The following SYT12 variants were observed in gnomAD, a reference collection of about 807,000 sequenced individuals.
SYT12 encodes the protein synaptotagmin-12.
A neutral mutation model predicts 39.5 loss-of-function variants in SYT12; 27 were observed. That is an observed-to-expected ratio of 0.68 (90% CI 0.50 to 0.94). The LOEUF (loss-of-function observed/expected upper bound fraction) is 0.94, where lower values mean the gene tolerates loss of function less well. Ranked by LOEUF, SYT12 falls within the 40% of genes least tolerant of loss-of-function variation. The pLI is 0.00. For missense variants in SYT12, 536 were observed against 572.6 expected (o/e 0.94, Z 0.65); for synonymous variants, 233 against 239.7 (o/e 0.97, Z 0.26).
At chr11:67,010,116 G>C (rs552876367) in exon 2 of SYT12, 1 of 152,484 alleles carries the variant, frequency 6.6e-6, no homozygotes, top group South Asian at 2.1e-4. Context: ...AGAAGCTGAA[G>C]TGACAGGTGA....
intron 7 of SYT12, among the ~76,000 whole-genome samples, chr11:67,047,289 G>A (rs1178959996): frequency 7.8e-6 from 1 of 128,970 alleles, no homozygotes; most frequent in Non-Finnish European, 1.6e-5. Flanking sequence ...TTTTTTTTGA[G>A]ACAGAGTCTT....
chr11:67,034,163 C>CT (rs1950318198), intron 2 of SYT12, among the ~76,000 whole-genome samples: 1 of 152,154 alleles, frequency 6.6e-6, no homozygotes, highest in South Asian at 2.1e-4. Flanking sequence ...AGAATATTTT[C>CT]ATCATCCCCC....
chr11:67,018,802 G>A (rs764584009), upstream of SYT12, among the ~76,000 whole-genome samples: 3 of 151,376 alleles, frequency 2.0e-5, no homozygotes, highest in Non-Finnish European at 4.4e-5. Flanking sequence ...CAGCCTGGGC[G>A]ACAGAGCGAG....
chr11:67,024,809 C>T (rs1182100982), intron 1 of SYT12, among the ~76,000 whole-genome samples: 1 of 152,198 alleles, frequency 6.6e-6, no homozygotes, highest in East Asian at 1.9e-4. Flanking sequence ...GGATGAGGCT[C>T]TCCTGGGCCC....
chr11:67,035,860 T>TCTCTCTCTCTCTCTC (rs1950366813), intron 3 of SYT12, among the ~76,000 whole-genome samples: 1 of 135,932 alleles, frequency 7.4e-6, no homozygotes, highest in African/African-American at 3.2e-5. Context: ...CTTTCTTTCT[T>TCTCTCTCTCTCTCTC]TCTTTCTTTC....
At chr11:67,009,180 AT>A (rs557580304) in intron 1 of SYT12, among the ~76,000 whole-genome samples, 3 of 151,920 alleles carry the variant, frequency 2.0e-5, no homozygotes, top group East Asian at 3.9e-4. Context: ...TAATTTTTGT[AT>A]TTTTTGTAAA....
chr11:67,044,326 C>A (rs1019521251), intron 5 of SYT12, among the ~76,000 whole-genome samples: 1 of 152,202 alleles, frequency 6.6e-6, no homozygotes, highest in Non-Finnish European at 1.5e-5. Context: ...CTACATTTGA[C>A]AGGCCGCCTC....
chr11:67,046,565 A>G (rs906625001), intron 7 of SYT12, among the ~76,000 whole-genome samples: 7 of 152,192 alleles, frequency 4.6e-5, no homozygotes, highest in African/African-American at 1.4e-4. Flanking sequence ...CCAGCATGTA[A>G]AGGCCCAGAA....
intron 3 of SYT12, among the ~76,000 whole-genome samples, chr11:67,035,548 C>T (rs1466537963): frequency 1.3e-5 from 2 of 149,304 alleles, no homozygotes; most frequent in East Asian, 2.0e-4. Flanking sequence ...AGCTCCGCCT[C>T]CCGGGTTCAC....
At chr11:67,047,488 G>A (rs1790282888) in intron 7 of SYT12, among the ~76,000 whole-genome samples, 2 of 149,400 alleles carry the variant, frequency 1.3e-5, no homozygotes, top group South Asian at 2.2e-4. Context: ...GGCTGGTCTC[G>A]AACTCCCAGC....
chr11:67,027,877 G>A (rs1381526097), intron 1 of SYT12: 2 of 152,278 alleles, frequency 1.3e-5, no homozygotes, highest in African/African-American at 4.8e-5. Flanking sequence ...TTCCCGGCAA[G>A]GCAGAAGCAG....
chr11:67,033,871 G>A lies in SYT12; in HGVS notation c.35-774G>A, dbSNP rs143500274. Reference sequence around the variant, plus strand: ...CCAAGCGCGGTGCTGGGGAGGACTCGCCTGCCACAGTTGAGGAGGTTGTTA... The same window carrying A: ...CCAAGCGCGGTGCTGGGGAGGACTCACCTGCCACAGTTGAGGAGGTTGTTA... On this transcript the variant is annotated intron_variant, in intron 2 of 7. Transcript: ENST00000527043. Among the ~76,000 whole-genome samples, 21 of 152,226 alleles carry A rather than the reference G, an allele frequency of 1.4e-4. 1 individual carries two copies. In the East Asian group the frequency reaches 1.9e-3, roughly 14 times the overall value.
upstream of SYT12, among the ~76,000 whole-genome samples, chr11:67,018,822 CA>C (rs528815983): frequency 3.8e-4 from 52 of 137,654 alleles, no homozygotes; most frequent in Admixed American, 3.0e-4. Flanking sequence ...GACTCCGTCT[CA>C]AAAAAAAAAA....
At chr11:67,040,299 G>A in intron 4 of SYT12, 96 bp downstream of exon 4, 1 of 1,476,232 alleles carries the variant, frequency 6.8e-7, no homozygotes, top group Non-Finnish European at 9.1e-7. Context: ...ATCCCAGAAA[G>A]GCAGTAGAGT....
At chr11:67,024,346 C>A (rs1226191459) in intron 1 of SYT12, among the ~76,000 whole-genome samples, 1 of 152,198 alleles carries the variant, frequency 6.6e-6, no homozygotes, top group African/African-American at 2.4e-5. Context: ...ACCGAAGTTA[C>A]CACAGCCAGT....
chr11:67,008,146 G>A (rs993731641), intron 1 of SYT12, among the ~76,000 whole-genome samples: 2 of 151,796 alleles, frequency 1.3e-5, no homozygotes, highest in Non-Finnish European at 2.9e-5. Flanking sequence ...TAGAGACAGG[G>A]TTTTGCCATG....
chr11:67,046,436 C>T (rs1854553620), intron 7 of SYT12, among the ~76,000 whole-genome samples: 1 of 152,240 alleles, frequency 6.6e-6, no homozygotes, highest in Admixed American at 6.5e-5. Context: ...CTCACTATCT[C>T]TAGCCCTCCT....
rs1482468498 is a variant in SYT12 at position 67,048,771 on chromosome 11, C to T, written c.*14C>T. ...CGGCGAAACTAGCAACCAGGGCGGG[C>T]CAGTTGGGCAATGGAGCTGCTGGAG... On this transcript the variant is annotated 3_prime_UTR_variant, in exon 8 of 8. Coordinates refer to ENST00000527043, the MANE Select transcript of SYT12 (RefSeq NM_177963.4). The T allele has an allele frequency of 3.8e-6, 6 of 1,586,664 alleles. No individual in the cohort carries two copies. The highest frequency in any genetic ancestry group is 3.4e-5 in the Admixed American group (2 of 59,628).
At chr11:67,042,998 G>C (rs966435674) in intron 4 of SYT12, among the ~76,000 whole-genome samples, 4 of 152,192 alleles carry the variant, frequency 2.6e-5, no homozygotes, top group Admixed American at 2.6e-4. Context: ...CCAGGGATGA[G>C]AGCGCCTTTC....
Sources: allele counts gnomAD v4.1 joint callset (sites outside exome capture counted in the v4.1 genomes callset), GRCh38; gene constraint gnomAD v4.1.1; transcripts MANE v1.5; gene names NCBI Gene and HGNC (gene_info 2026-07-23, HGNC 2026-07-21).